Variants in MOV10L1 observed in about 807,000 individuals in gnomAD.
The protein encoded by MOV10L1 is Mov10 like RNA helicase 1.
A neutral mutation model predicts 143.8 loss-of-function variants in MOV10L1; 110 were observed. The observed-to-expected ratio is 0.76, with a 90% CI of 0.66 to 0.90. MOV10L1 has a LOEUF of 0.90. Among genes scored for constraint, MOV10L1 ranks in the 40% least tolerant of loss-of-function variants. The pLI is 0.00. For synonymous variants in MOV10L1, 593 were observed against 581.1 expected, an observed-to-expected ratio of 1.02 and a Z score of -0.29; for missense variants, 1,406 against 1,526.8, an observed-to-expected ratio of 0.92 and a Z score of 1.32.
intron 1 of MOV10L1, 73 bp from the exon 2 acceptor site, chr22:50,091,926 CTT>C: frequency 6.9e-7 from 1 of 1,454,850 alleles, no homozygotes; most frequent in Non-Finnish European, 9.3e-7. Context: ...TGCACTCTGC[CTT>C]TCTCTGGTGG....
Position 50,117,151 on chromosome 22 carries a change from T to A in MOV10L1, c.1260-6T>A. ...TAAAACTAAATTTCATTTTGTTTTTTTCAAGAAATCCTGGCCGCTGCAAGG... is the reference window on the plus strand; with the variant it reads ...TAAAACTAAATTTCATTTTGTTTTTATCAAGAAATCCTGGCCGCTGCAAGG... On this transcript the variant is annotated splice_region_variant and splice_polypyrimidine_tract_variant and intron_variant, in intron 8 of 26. Transcript: ENST00000262794. The A allele has an allele frequency of 6.3e-7, 1 of 1,585,228 alleles. No individual in the cohort carries two copies.
At chr22:50,135,966 G>A (rs959106905) in intron 15 of MOV10L1, among the ~76,000 whole-genome samples, 1 of 152,012 alleles carries the variant, frequency 6.6e-6, no homozygotes, top group Non-Finnish European at 1.5e-5. Context: ...GGTTTTATGA[G>A]CATGTTTTCA....
chr22:50,156,412 G>A (rs2063430163), intron 22 of MOV10L1, among the ~76,000 whole-genome samples: 1 of 152,094 alleles, frequency 6.6e-6, no homozygotes, highest in African/African-American at 2.4e-5. Context: ...CACCACGCCT[G>A]GACTCCATTT....
At position 50,159,949 on chromosome 22, in the gene MOV10L1, GGAAGGTCTTTTAAA is replaced by G. The variant is rs1197144209; in HGVS notation, c.3324+165_3324+178del. Among the ~76,000 whole-genome samples the G allele has an allele frequency of 1.3e-5, 2 of 152,110 alleles. No individual in the cohort carries two copies. The highest frequency in any genetic ancestry group is 2.9e-5 in the Non-Finnish European group (2 of 68,016). On this transcript the variant is annotated intron_variant, in intron 24 of 26. Coordinates refer to ENST00000262794, the MANE Select transcript of MOV10L1 (RefSeq NM_018995.3). This position sits in a 1 kb window ranked among gnomAD's most constrained non-coding sequence, Gnocchi z 4.1. ...GGAGCCATTGTAAGCAGTGGCTGTGGGAAGGTCTTTTAAAACAATACTCAAAGACTAAGACACAG... is the reference window on the plus strand; with the variant it reads ...GGAGCCATTGTAAGCAGTGGCTGTGGACAATACTCAAAGACTAAGACACAG...
intron 20 of MOV10L1, among the ~76,000 whole-genome samples, chr22:50,150,441 C>G (rs1000057140): frequency 6.6e-6 from 1 of 152,240 alleles, no homozygotes; most frequent in Non-Finnish European, 1.5e-5. Flanking sequence ...AGAAGATAGA[C>G]GGCATCCTTG....
In MOV10L1 at chr22:50,126,494, T is replaced by C. The variant is rs144602839; in HGVS notation, c.1818+222T>C. Among the ~76,000 whole-genome samples the C allele has an allele frequency of 5.9e-3, 901 of 152,372 alleles. 7 individuals carry two copies. Among genetic ancestry groups the C allele is most frequent in the African/African-American group, 0.02 (820 of 41,584 alleles). On this transcript the variant is annotated intron_variant, in intron 12 of 26. Coordinates refer to ENST00000262794, the MANE Select transcript of MOV10L1 (RefSeq NM_018995.3). Reference sequence around the variant, plus strand: ...AAACATATTTATCTTTTAGGTTATATGTAAGTCATGAGGTTTGCGTTGAGT... The same window carrying C: ...AAACATATTTATCTTTTAGGTTATACGTAAGTCATGAGGTTTGCGTTGAGT...
chr22:50,132,356 T>C (rs2062701613), intron 13 of MOV10L1, among the ~76,000 whole-genome samples: 1 of 152,220 alleles, frequency 6.6e-6, no homozygotes, highest in South Asian at 2.1e-4. Context: ...GGGATTTTGA[T>C]TGGGATTACA....
intron 2 of MOV10L1, chr22:50,094,595 T>G (rs1403928525): frequency 6.6e-6 from 1 of 152,084 alleles, no homozygotes; most frequent in Non-Finnish European, 1.5e-5. Context: ...GAGATGGGGT[T>G]TCACTGTGTT....
At chr22:50,117,395 A>T (rs990668426) in intron 9 of MOV10L1, 44 bp downstream of exon 9, 1 of 1,597,610 alleles carries the variant, frequency 6.3e-7, no homozygotes, top group African/African-American at 1.3e-5. Context: ...TGGCAGTTTT[A>T]TCTGTGAAGG....
At chr22:50,157,993 T>G (rs2063469551) in intron 22 of MOV10L1, 64 bp from the exon 23 acceptor site, 1 of 1,554,786 alleles carries the variant, frequency 6.4e-7, no homozygotes. Flanking sequence ...CTTCAGCTCC[T>G]GGATTGTAGC....
intron 13 of MOV10L1, among the ~76,000 whole-genome samples, chr22:50,130,892 A>G (rs1049858551): frequency 6.6e-6 from 1 of 152,096 alleles, no homozygotes; most frequent in East Asian, 1.9e-4. Context: ...GATGCTGAAC[A>G]TCTTTTCTTT....
At chr22:50,095,906 GT>G (rs1303117974) in intron 2 of MOV10L1, 1 of 152,076 alleles carries the variant, frequency 6.6e-6, no homozygotes, top group African/African-American at 2.4e-5. Context: ...TGATCCCATA[GT>G]TTCTGTCCCT....
At chr22:50,104,077 T>TTC (rs2061810357) in intron 3 of MOV10L1, among the ~76,000 whole-genome samples, 1 of 152,122 alleles carries the variant, frequency 6.6e-6, no homozygotes, top group African/African-American at 2.4e-5. Flanking sequence ...AGGCATTAGA[T>TTC]TCTCATAAGG....
In MOV10L1 at chr22:50,161,489, T is replaced by A. The variant is rs1390418114; in HGVS notation, c.*40T>A. The A allele has an allele frequency of 6.5e-7, 1 of 1,543,300 alleles. No individual in the cohort carries two copies. The highest frequency in any genetic ancestry group is 8.8e-7 in the Non-Finnish European group (1 of 1,140,138). On this transcript the variant is annotated 3_prime_UTR_variant, in exon 27 of 27. Transcript: ENST00000262794. ...CAGCAGGGAGGCCATGTGCTCAGCCTGGCCACGTTGCCGTTACAGTCTGCT... is the reference window on the plus strand; with the variant it reads ...CAGCAGGGAGGCCATGTGCTCAGCCAGGCCACGTTGCCGTTACAGTCTGCT...
intron 3 of MOV10L1, among the ~76,000 whole-genome samples, chr22:50,102,275 GTATC>G (rs1329372056): frequency 6.6e-6 from 1 of 152,192 alleles, no homozygotes; most frequent in Non-Finnish European, 1.5e-5. Flanking sequence ...CTGATACAGA[GTATC>G]TAATGAGATC....
chr22:50,096,772 A>G (rs1252804406), intron 2 of MOV10L1, among the ~76,000 whole-genome samples: 1 of 152,028 alleles, frequency 6.6e-6, no homozygotes, highest in African/African-American at 2.4e-5. Context: ...TTGGCCATCT[A>G]TATATCTTCT....
intron 15 of MOV10L1, 83 bp from the exon 16 acceptor site, chr22:50,141,998 A>G: frequency 9.9e-7 from 1 of 1,008,138 alleles, no homozygotes; most frequent in Non-Finnish European, 1.5e-6. Flanking sequence ...GTAGAACACT[A>G]GATGTTTACG....
At chr22:50,120,944 A>C (rs1188628015) in intron 10 of MOV10L1, among the ~76,000 whole-genome samples, 1 of 152,198 alleles carries the variant, frequency 6.6e-6, no homozygotes, top group East Asian at 1.9e-4. Context: ...CTTTGTTATG[A>C]GCAAGAAGTG....
intron 8 of MOV10L1, among the ~76,000 whole-genome samples, chr22:50,116,419 G>C (rs370808666): frequency 1.3e-4 from 19 of 149,008 alleles, no homozygotes; most frequent in African/African-American, 4.4e-4. Context: ...CGCACTCCAG[G>C]CTGGGTGACA....
Sources: gnomAD v4.1 joint callset for allele counts (sites outside exome capture counted in the v4.1 genomes callset) on GRCh38, gnomAD v4.1.1 for gene constraint, Gnocchi (gnomAD v3.1) non-coding constraint, MANE v1.5 for transcripts, NCBI Gene and HGNC (gene_info 2026-07-23, HGNC 2026-07-21) for gene names.